The following EFCC1 variants were observed in gnomAD, a reference collection of about 807,000 sequenced individuals.
EFCC1 encodes EF-hand and coiled-coil domain containing 1, also known as EF-hand and coiled-coil domain-containing protein 1.
Under a neutral mutation model 52.1 loss-of-function variants are expected in EFCC1, and 50 were observed. That is an observed-to-expected ratio of 0.96 (90% CI 0.76 to 1.21). The LOEUF (loss-of-function observed/expected upper bound fraction) is 1.21, where lower values mean the gene tolerates loss of function less well. Ranked by LOEUF, EFCC1 falls within the 50% of genes most tolerant of loss-of-function variation. EFCC1 has a pLI of 0.00. For missense variants in EFCC1, 837 were observed against 867.3 expected (o/e 0.97, Z 0.44); for synonymous variants, 399 against 396.5 (o/e 1.01, Z -0.08).
chr3:129,027,960 T>C (rs1946174173), intron 2 of EFCC1, among the ~76,000 whole-genome samples: 1 of 151,446 alleles, frequency 6.6e-6, no homozygotes, highest in Non-Finnish European at 1.5e-5. Flanking sequence ...TCTCAGTAAA[T>C]AAATAATAAA....
chr3:129,019,286 G>A (rs2107906504), intron 2 of EFCC1, among the ~76,000 whole-genome samples: 1 of 152,332 alleles, frequency 6.6e-6, no homozygotes, highest in Non-Finnish European at 1.5e-5. Context: ...TCCACCTGGA[G>A]TCTACCCTTT....
intron 4 of EFCC1, 22 bp from the exon 5 acceptor site, chr3:129,034,142 C>A (rs781541863): frequency 6.2e-7 from 1 of 1,613,772 alleles, no homozygotes; most frequent in East Asian, 2.2e-5. Flanking sequence ...CCCTGCAATG[C>A]GGGCCCTCTC....
rs114300886 is a variant in EFCC1, at chr3:129,039,127, C to T, written c.1663+227C>T. The stretch of plus-strand genomic sequence containing the variant: ...CAGTGAGGGGATGGGTGGGCGCCAC[C>T]GGCAGCACTGCAGCCACATGCGGGG... On this transcript the variant is annotated intron_variant, in intron 7 of 7. Coordinates refer to ENST00000683648, the MANE Select transcript of EFCC1 (RefSeq NM_001377500.1). 9.2e-3 allele frequency among the ~76,000 whole-genome samples: 1,408 copies of T among 152,304 alleles called. 19 individuals carry two copies. The highest frequency in any genetic ancestry group is 0.033 in the African/African-American group (1,351 of 41,568).
chr3:129,034,998 G>A (rs140745340), intron 5 of EFCC1, among the ~76,000 whole-genome samples: 4 of 152,254 alleles, frequency 2.6e-5, no homozygotes, highest in South Asian at 2.1e-4. Flanking sequence ...ATTTCAATAC[G>A]ACCACTTCGC....
chr3:129,029,245 A>T (rs920358135), intron 2 of EFCC1, among the ~76,000 whole-genome samples: 1 of 152,214 alleles, frequency 6.6e-6, no homozygotes, highest in East Asian at 1.9e-4. Flanking sequence ...CCCATTTATT[A>T]GTGAATATTT....
intron 2 of EFCC1, among the ~76,000 whole-genome samples, chr3:129,024,743 G>A (rs1215084829): frequency 6.6e-6 from 1 of 151,830 alleles, no homozygotes; most frequent in Non-Finnish European, 1.5e-5. Flanking sequence ...ATCCACTCGT[G>A]AGGGCAGAGC....
chr3:129,004,083 C>G lies in EFCC1; in HGVS notation c.980+6C>G. On this transcript the variant is annotated splice_donor_region_variant and intron_variant, in intron 2 of 7. Transcript: ENST00000683648. ...GCGGAGCTGCAACGCTACAGGTGAG[C>G]GGGGGCGCGTGCCCTGGGCCCAAGT... is the stretch of plus-strand genomic sequence containing the variant. 1 of 1,488,624 alleles carries G rather than the reference C, an allele frequency of 6.7e-7. No homozygotes were observed. The highest frequency in any genetic ancestry group is 8.9e-7 in the Non-Finnish European group (1 of 1,125,172). 92.2% of individuals were successfully genotyped at this position (1,488,624 alleles called of 1,614,324 possible).
In EFCC1 at chr3:129,034,261, G is replaced by T. The variant is rs377018804; in HGVS notation, c.1384G>T (p.Ala462Ser). The change falls in exon 5 of 8, where the codon GCC becomes TCC. Residue 462 changes from alanine (A) to serine (S), a missense_variant. Ala to Ser is a moderately conservative substitution (Grantham distance 99). Coordinates refer to ENST00000683648, the MANE Select transcript of EFCC1 (RefSeq NM_001377500.1). The stretch of plus-strand genomic sequence containing the variant: ...CCTGGGGGAGCTGGAGGCCTGCATT[G>T]CCATGCTGGTGGAGCAGCTGAGGAC... ...HTLGELEACI[A>S]MLVEQLRTQG... is the part of the protein sequence containing the mutation. The T allele has an allele frequency of 9.4e-5, 151 of 1,614,066 alleles. No individual in the cohort carries two copies. The highest frequency in any genetic ancestry group is 1.1e-5 in the Non-Finnish European group (13 of 1,180,052).
At position 129,034,252 on chromosome 3, in the gene EFCC1, G is replaced by A. The variant is rs753804517; in HGVS notation, c.1375G>A (p.Ala459Thr). Residue 459 changes from alanine to threonine, a missense_variant, in exon 5 of 8, where the codon GCC becomes ACC. By Grantham distance (58) the Ala-to-Thr change is moderately conservative (BLOSUM62 0). Transcript: ENST00000683648. ...TGCCCATACCCTGGGGGAGCTGGAG[G>A]CCTGCATTGCCATGCTGGTGGAGCA... Reference protein sequence around the residue: ...NHAHTLGELEACIAMLVEQLR... With the variant: ...NHAHTLGELETCIAMLVEQLR... 1 of 1,614,198 alleles carries A rather than the reference G, an allele frequency of 6.2e-7. No homozygotes were observed. The highest frequency in any genetic ancestry group is 8.5e-7 in the Non-Finnish European group (1 of 1,180,050).
In EFCC1 at chr3:129,030,477, G is replaced by A. The variant is rs116525220; in HGVS notation, c.981-226G>A. 1,565 of 381,146 alleles carry A rather than the reference G, an allele frequency of 4.1e-3. 3 individuals carry two copies. Among genetic ancestry groups the A allele is most frequent in the Non-Finnish European group, 6.2e-3 (1,350 of 219,046 alleles). 23.6% of individuals were successfully genotyped at this position (381,146 alleles called of 1,614,324 possible). On this transcript the variant is annotated intron_variant, in intron 2 of 7. Coordinates refer to ENST00000683648, the MANE Select transcript of EFCC1 (RefSeq NM_001377500.1). ...TTTATAAGGATGAAAATCCGTTGCA[G>A]AAGATTTTGCCTTGAGTCCCATTGG...
chr3:129,039,866 G>T lies in EFCC1; in HGVS notation c.*18G>T, dbSNP rs1471256846. On this transcript the variant is annotated 3_prime_UTR_variant, in exon 8 of 8. Transcript: ENST00000683648. ...CCTGCTGAGGTTACTGGCCCACCCT[G>T]TGGGCACCCTGCTCAGCCTGACTGC... The T allele has an allele frequency of 3.8e-6, 6 of 1,587,032 alleles. No individual in the cohort carries two copies. The highest frequency in any genetic ancestry group is 5.2e-6 in the Non-Finnish European group (6 of 1,162,278).
rs1946387287 is a variant in EFCC1 at position 129,038,738 on chromosome 3, T to A, written c.1594-93T>A. On this transcript the variant is annotated intron_variant, in intron 6 of 7. Coordinates refer to ENST00000683648, the MANE Select transcript of EFCC1 (RefSeq NM_001377500.1). ...GGAGCTTTATCTGTCCCCAGGGAGC[T>A]GCCTAGAAGCCCGTAGGGGCCACCA... The A allele has an allele frequency of 2.4e-6, 3 of 1,260,342 alleles. No homozygotes were observed. The South Asian group carries it at 3.6e-5, about 15-fold the overall frequency. The allele number at this position is 1,260,342 out of a possible 1,614,324, so 78.1% of individuals were successfully genotyped here.
rs1343241721 is a variant in EFCC1, at chr3:129,002,227, T to C, written c.599T>C (p.Val200Ala). 9.2e-6 allele frequency: 14 copies of C among 1,528,980 alleles called. No individual in the cohort carries two copies. The highest frequency in any genetic ancestry group is 5.2e-6 in the Non-Finnish European group (6 of 1,143,596). 94.7% of individuals were successfully genotyped at this position (1,528,980 alleles called of 1,614,324 possible). A position where few individuals can be genotyped will look rare whatever the true frequency, so the allele number is the denominator to read the frequency against. Residue 200 changes from valine (V) to alanine (A), a missense_variant, in exon 1 of 8, where the codon GTT (valine) becomes GCT (alanine). Val to Ala is a moderately conservative substitution (Grantham distance 64). Transcript: ENST00000683648. ...GACAGCGGTCCTGACTGTGAGCGCG[T>C]TGCGCGGCTGGAGGAGGAGAATAGC... ...GPDSGPDCERVARLEEENSSL... is the reference protein window; with the variant it reads ...GPDSGPDCERAARLEEENSSL...
At chr3:129,029,364 G>A (rs577494732) in intron 2 of EFCC1, among the ~76,000 whole-genome samples, 1 of 152,136 alleles carries the variant, frequency 6.6e-6, no homozygotes, top group South Asian at 2.1e-4. Flanking sequence ...GTGATTGGTG[G>A]GGTGTAATGT....
rs554377643 is a variant in EFCC1 at position 129,030,589 on chromosome 3, C to T, written c.981-114C>T. 812 of 1,261,726 alleles carry T rather than the reference C, an allele frequency of 6.4e-4. 13 individuals carry two copies. The South Asian group carries it at 0.015, about 23-fold the overall frequency. The allele number at this position is 1,261,726 out of a possible 1,614,324, so 78.2% of individuals were successfully genotyped here. A position where few individuals can be genotyped will look rare whatever the true frequency, so the allele number is the denominator to read the frequency against. On this transcript the variant is annotated intron_variant, in intron 2 of 7. Transcript: ENST00000683648. Reference sequence around the variant, plus strand: ...GCACTTCCTCCTGGACTGTGGGAAGCTGACTCTGCCAGGGTGACAATGGGT... The same window carrying T: ...GCACTTCCTCCTGGACTGTGGGAAGTTGACTCTGCCAGGGTGACAATGGGT...
Position 129,037,547 on chromosome 3 carries a change from A to G in EFCC1, c.1593+430A>G, listed in dbSNP as rs1299815726. Among the ~76,000 whole-genome samples, 7 of 152,338 alleles carry G rather than the reference A, an allele frequency of 4.6e-5. No homozygotes were observed. The East Asian group carries it at 7.7e-4, about 17-fold the overall frequency. On this transcript the variant is annotated intron_variant, in intron 6 of 7. Coordinates refer to ENST00000683648, the MANE Select transcript of EFCC1 (RefSeq NM_001377500.1). ...AGGATGATTCCACATCAAAAAATCT[A>G]TTACCAAAATACACCACATTGCAGA...
chr3:129,030,802 C>T lies in EFCC1; in HGVS notation c.1080C>T (p.Pro360=), dbSNP rs1946256762. The T allele has an allele frequency of 1.3e-6, 2 of 1,551,654 alleles. No individual in the cohort carries two copies. The highest frequency in any genetic ancestry group is 2.4e-5 in the East Asian group (1 of 40,926). ...PEDAGTRDPD[P]TPEGAWQSDS... is the part of the protein sequence containing the mutation. ...ATGCTGGGACCAGAGACCCAGACCC[C>T]ACTCCAGAGGGAGCCTGGCAGTCAG... The change falls in exon 3 of 8, where the codon CCC becomes CCT. Residue 360 remains proline, a synonymous_variant. Coordinates refer to ENST00000683648, the MANE Select transcript of EFCC1 (RefSeq NM_001377500.1).
Position 129,002,144 on chromosome 3 carries a change from G to A in EFCC1, c.516G>A (p.Thr172=). Residue 172 remains threonine (T), a synonymous_variant, in exon 1 of 8, where the codon ACG becomes ACA. Transcript: ENST00000683648. Reference sequence around the variant, plus strand: ...GCGCTCTCAGCGAGCACATCGAGACGCAGATCCGCCTGCGCCGTCCGCGCC... The same window carrying A: ...GCGCTCTCAGCGAGCACATCGAGACACAGATCCGCCTGCGCCGTCCGCGCC... The part of the protein sequence containing the change: ...PRGALSEHIE[T]QIRLRRPRRR... 6.8e-7 allele frequency: 1 copy of A among 1,472,868 alleles called. No homozygotes were observed. Among genetic ancestry groups the A allele is most frequent in the African/African-American group, 1.5e-5 (1 of 67,570 alleles). The allele number at this position is 1,472,868 out of a possible 1,614,324, so 91.2% of individuals were successfully genotyped here.
chr3:129,024,144 C>T (rs1259133882), intron 2 of EFCC1, among the ~76,000 whole-genome samples: 1 of 152,194 alleles, frequency 6.6e-6, no homozygotes, highest in African/African-American at 2.4e-5. Flanking sequence ...CATAACACAC[C>T]ACACGAGGGC....
Sources: gnomAD v4.1 joint callset for allele counts (sites outside exome capture counted in the v4.1 genomes callset) on GRCh38, gnomAD v4.1.1 for gene constraint, MANE v1.5 for transcripts, NCBI Gene and HGNC (gene_info 2026-07-23, HGNC 2026-07-21) for gene names.